TRPM3: variants seen among roughly 807,000 people sequenced by gnomAD.
TRPM3 encodes the protein transient receptor potential cation channel subfamily M member 3.
TRPM3 carries 77 observed loss-of-function variants against 181.2 expected under a neutral mutation model. The observed-to-expected ratio is 0.42, with a 90% confidence interval of 0.35 to 0.51. The LOEUF is 0.51. TRPM3 is among the 20% of genes least tolerant of loss of function. The pLI, the probability that TRPM3 is intolerant of heterozygous loss-of-function variation, is 0.01. For synonymous variants in TRPM3, 745 were observed against 796.4 expected, an observed-to-expected ratio of 0.94 and a Z score of 1.09; for missense variants, 1,759 against 2,196.7, an observed-to-expected ratio of 0.80 and a Z score of 3.98.
rs750720589 is a variant in TRPM3, at chr9:70,863,048, T to G, written c.322A>C (p.Asn108His). ...GAGAGGCGACTTTCATTTTTCTCAT[T>G]CTGAAGCACGGAGATACTGGGGGTG... ...GLTPSISVLQ[N>H]EKNESRLSRN... is the part of the protein sequence containing the mutation. Residue 108 changes from asparagine to histidine, a missense_variant, in exon 3 of 26, where the codon AAT becomes CAT. Asn to His is a moderately conservative substitution (Grantham distance 68). Transcript: ENST00000677713. The G allele has an allele frequency of 5.0e-6, 8 of 1,613,498 alleles. No individual in the cohort carries two copies. The South Asian group carries it at 8.8e-5, about 18-fold the overall frequency.
At chr9:70,642,799 G>A (rs1185803230) in intron 9 of TRPM3, among the ~76,000 whole-genome samples, 5 of 152,164 alleles carry the variant, frequency 3.3e-5, no homozygotes, top group Non-Finnish European at 7.4e-5. Context: ...AGTACAATTC[G>A]GAGAACTTTT....
chr9:70,550,367 G>T (rs892610527), intron 24 of TRPM3, among the ~76,000 whole-genome samples: 4 of 152,176 alleles, frequency 2.6e-5, no homozygotes, highest in African/African-American at 4.8e-5. Flanking sequence ...AAACAAGAAA[G>T]CACAAAAGGA....
intron 1 of TRPM3, among the ~76,000 whole-genome samples, chr9:70,886,426 C>G (rs1296382542): frequency 2.0e-5 from 3 of 152,130 alleles, no homozygotes; most frequent in Non-Finnish European, 4.4e-5. Context: ...GTCTCCATTT[C>G]CCTCAGTGCC....
intron 1 of TRPM3, chr9:70,917,517 G>A: frequency 2.9e-6 from 2 of 680,926 alleles, no homozygotes; most frequent in Admixed American, 2.2e-5. Flanking sequence ...ACGATAACTG[G>A]GGCGGGCACG....
Position 70,549,684 on chromosome 9 carries a change from A to C in TRPM3, c.3575-10T>G. On this transcript the variant is annotated splice_polypyrimidine_tract_variant and intron_variant, in intron 24 of 25. Coordinates refer to ENST00000677713, the MANE Select transcript of TRPM3 (RefSeq NM_001366145.2). ...TCGGTTATGAAGAGTTCTGTGGAAA[A>C]AAAAAAAAAGGAAGTCTTGAGGGAG... 2.5e-6 allele frequency: 4 copies of C among 1,575,388 alleles called. No individual in the cohort carries two copies. Among genetic ancestry groups the C allele is most frequent in the Non-Finnish European group, 3.4e-6 (4 of 1,167,782 alleles).
At chr9:70,929,637 T>C (rs1445747512) in intron 1 of TRPM3, among the ~76,000 whole-genome samples, 2 of 152,196 alleles carry the variant, frequency 1.3e-5, no homozygotes, top group South Asian at 2.1e-4. Flanking sequence ...TGGATCCTAG[T>C]TGAGCCTGGC....
At chr9:70,825,340 T>A (rs377261562) in intron 6 of TRPM3, 1 of 152,202 alleles carries the variant, frequency 6.6e-6, no homozygotes, top group Non-Finnish European at 1.5e-5. Context: ...ATAACTCTCC[T>A]CTTACCATTT....
intron 1 of TRPM3, among the ~76,000 whole-genome samples, chr9:71,218,673 C>T (rs552042384): frequency 3.1e-4 from 47 of 152,310 alleles, no homozygotes; most frequent in Middle Eastern, 3.4e-3. Flanking sequence ...TATTGACTAC[C>T]TATTATGCAC....
chr9:71,284,646 G>T (rs947648673), intron 1 of TRPM3, among the ~76,000 whole-genome samples: 1 of 152,200 alleles, frequency 6.6e-6, no homozygotes, highest in Non-Finnish European at 1.5e-5. Flanking sequence ...TAAATTAGTA[G>T]AATTGACCAT....
chr9:71,068,478 C>G (rs542408258), intron 1 of TRPM3, among the ~76,000 whole-genome samples: 1 of 152,306 alleles, frequency 6.6e-6, no homozygotes, highest in Admixed American at 6.5e-5. Context: ...GCAGTGGGAC[C>G]AGGATGGTGC....
rs114588695 is a variant in TRPM3 at position 71,366,733 on chromosome 9, T to C, written c.183+79920A>G. Among the ~76,000 whole-genome samples, 833 of 152,320 alleles carry C rather than the reference T, an allele frequency of 5.5e-3. 11 individuals are homozygous for C. Among genetic ancestry groups the C allele is most frequent in the African/African-American group, 0.019 (804 of 41,568 alleles). On this transcript the variant is annotated intron_variant, in intron 1 of 24. Transcript: ENST00000357533. ...CATATTTTTTATTACATGACAGCTA[T>C]ACCTAAAATAAATTCAGTAATTTCA...
chr9:71,407,678 C>T (rs914328088), intron 1 of TRPM3, among the ~76,000 whole-genome samples: 26 of 152,212 alleles, frequency 1.7e-4, no homozygotes, highest in African/African-American at 6.0e-4. Context: ...GCAGCAGAAA[C>T]TTCTGCAGAC....
chr9:71,011,452 T>C (rs1403640917), intron 1 of TRPM3, among the ~76,000 whole-genome samples: 1 of 152,110 alleles, frequency 6.6e-6, no homozygotes, highest in Non-Finnish European at 1.5e-5. Flanking sequence ...TTTTTTAAAT[T>C]ATAAAATAAA....
chr9:71,355,748 T>C (rs912723625), intron 1 of TRPM3, among the ~76,000 whole-genome samples: 1 of 152,174 alleles, frequency 6.6e-6, no homozygotes, highest in African/African-American at 2.4e-5. Context: ...CCGCCATGGA[T>C]GTGGATACAG....
Position 71,197,410 on chromosome 9 carries a change from G to A in TRPM3, c.183+249243C>T, listed in dbSNP as rs558245487. Among the ~76,000 whole-genome samples, 1,175 of 152,146 alleles carry A rather than the reference G, an allele frequency of 7.7e-3. 18 individuals are homozygous for A. Among genetic ancestry groups the A allele is most frequent in the African/African-American group, 0.027 (1,100 of 41,508 alleles). ...CAATAATGGGATGGCTGGGTCAAAT[G>A]GTATTTCTAGTTCTAGATCCCTGAG... On this transcript the variant is annotated intron_variant, in intron 1 of 24. Transcript: ENST00000357533.
rs145775064 is a variant in TRPM3, at chr9:71,127,508, G to T, written c.184-262997C>A. On this transcript the variant is annotated intron_variant, in intron 1 of 24. Transcript: ENST00000357533. ...AGGCAGACTCTATCCAAACCTAAGT[G>T]CCTCCTCTTACCCACTATGTGGCCT... Among the ~76,000 whole-genome samples, 678 of 152,218 alleles carry T rather than the reference G, an allele frequency of 4.5e-3. 2 individuals are homozygous for T. Among genetic ancestry groups the T allele is most frequent in the Non-Finnish European group, 7.8e-3 (530 of 68,014 alleles).
intron 1 of TRPM3, among the ~76,000 whole-genome samples, chr9:71,159,663 A>C (rs754437701): frequency 5.9e-5 from 9 of 152,130 alleles, no homozygotes; most frequent in Non-Finnish European, 1.3e-4. Flanking sequence ...AAAATAGCTT[A>C]TACCTGTTGT....
chr9:71,009,259 G>A, intron 1 of TRPM3, among the ~76,000 whole-genome samples: 1 of 152,032 alleles, frequency 6.6e-6, no homozygotes, highest in Non-Finnish European at 1.5e-5. Flanking sequence ...ACTCAAAACA[G>A]AAAGGAAGAA....
intron 1 of TRPM3, among the ~76,000 whole-genome samples, chr9:70,875,933 AG>A (rs2095861647): frequency 6.6e-6 from 1 of 151,906 alleles, no homozygotes; most frequent in African/African-American, 2.4e-5. Context: ...TCTGGCTGAT[AG>A]GCATTTTTCT....
Sources: gnomAD v4.1 joint callset for allele counts (sites outside exome capture counted in the v4.1 genomes callset) on GRCh38, gnomAD v4.1.1 for gene constraint, MANE v1.5 for transcripts, NCBI Gene and HGNC (gene_info 2026-07-23, HGNC 2026-07-21) for gene names.